IMPG1: variants seen among roughly 807,000 people sequenced by gnomAD.
The protein encoded by IMPG1 is interphotoreceptor matrix proteoglycan 1.
In IMPG1, 85 loss-of-function variants were observed where a neutral mutation model predicts 92.0. The observed-to-expected ratio is 0.92, with a 90% CI of 0.78 to 1.11. The LOEUF (loss-of-function observed/expected upper bound fraction) is 1.11, where lower values mean the gene tolerates loss of function less well. Ranked by LOEUF, IMPG1 falls within the 50% of genes least tolerant of loss-of-function variation. The probability of loss-of-function intolerance (pLI) is 0.00; values close to 1 mark genes in which losing one functional copy is unlikely to be tolerated. For missense variants in IMPG1, 1,022 were observed against 956.0 expected (o/e 1.07, Z -0.91); for synonymous variants, 367 against 334.1 (o/e 1.10, Z -1.08).
At chr6:76,063,764 G>A (rs1312473189) in intron 1 of IMPG1, among the ~76,000 whole-genome samples, 1 of 152,204 alleles carries the variant, frequency 6.6e-6, no homozygotes, top group Non-Finnish European at 1.5e-5. Flanking sequence ...CATAGGGCTG[G>A]GTGACTCCAA....
In IMPG1 at chr6:75,923,580, T is replaced by C. The variant is rs1212317768; in HGVS notation, c.2316+54A>G. On this transcript the variant is annotated intron_variant, in intron 16 of 16. Coordinates refer to ENST00000369950, the MANE Select transcript of IMPG1 (RefSeq NM_001563.4). ...AAGAGGGACATAAATGTTTTTAATTTCCTTCAAAAGTCAAGTTTAGTAATT... is the reference window on the plus strand; with the variant it reads ...AAGAGGGACATAAATGTTTTTAATTCCCTTCAAAAGTCAAGTTTAGTAATT... 3 of 829,592 alleles carry C rather than the reference T, an allele frequency of 3.6e-6. No individual in the cohort carries two copies. In the Admixed American group the frequency reaches 6.1e-5, roughly 17 times the overall value. 51.4% of individuals were successfully genotyped at this position (829,592 alleles called of 1,614,324 possible).
chr6:75,970,491 T>G (rs12200080), intron 12 of IMPG1, among the ~76,000 whole-genome samples: 26,393 of 152,164 alleles, frequency 0.17, 2,727 homozygotes, highest in Admixed American at 0.28. Context: ...ACTAAAGAGC[T>G]CAGTCCCAAT....
At chr6:76,029,466 A>G (rs1185470103) in intron 4 of IMPG1, among the ~76,000 whole-genome samples, 1 of 152,258 alleles carries the variant, frequency 6.6e-6, no homozygotes, top group African/African-American at 2.4e-5. Flanking sequence ...GACTGGAGAG[A>G]GGGAAATTAT....
chr6:75,966,184 G>C (rs1269210214), intron 12 of IMPG1, among the ~76,000 whole-genome samples: 2 of 152,098 alleles, frequency 1.3e-5, no homozygotes, highest in East Asian at 3.8e-4. Context: ...GATACACTTA[G>C]GAGGAAAAGT....
intron 12 of IMPG1, among the ~76,000 whole-genome samples, chr6:76,002,434 C>G (rs1562365349): frequency 6.6e-6 from 1 of 152,264 alleles, no homozygotes; most frequent in East Asian, 1.9e-4. Context: ...CTAATTTACA[C>G]TAAAGAAACA....
intron 12 of IMPG1, among the ~76,000 whole-genome samples, chr6:75,961,131 G>C (rs1397881661): frequency 6.6e-6 from 1 of 152,204 alleles, no homozygotes; most frequent in Non-Finnish European, 1.5e-5. Context: ...AAGATGAACA[G>C]TGTGTGAGGA....
intron 12 of IMPG1, among the ~76,000 whole-genome samples, chr6:75,978,932 G>A (rs1057466813): frequency 1.3e-5 from 2 of 152,082 alleles, no homozygotes; most frequent in African/African-American, 4.8e-5. Context: ...GGGTGGGGAG[G>A]ACAAGGTCTC....
chr6:75,950,967 T>C lies in IMPG1; in HGVS notation c.1419A>G (p.Thr473=), dbSNP rs762078795. 4 of 1,613,994 alleles carry C rather than the reference T, an allele frequency of 2.5e-6. No individual in the cohort carries two copies. Among genetic ancestry groups the C allele is most frequent in the South Asian group, 1.1e-5 (1 of 91,074 alleles). ...GTTDTMATDQ[T]MLVPGLTIPT... is the part of the protein sequence containing the mutation. ...GGATGGTGAGCCCTGGTACTAGCATTGTCTGGTCAGTGGCCATTGTATCTG... is the reference window on the plus strand; with the variant it reads ...GGATGGTGAGCCCTGGTACTAGCATCGTCTGGTCAGTGGCCATTGTATCTG... Residue 473 remains threonine (T), a synonymous_variant, in exon 13 of 17, where the codon ACA becomes ACG. Coordinates refer to ENST00000369950, the MANE Select transcript of IMPG1 (RefSeq NM_001563.4).
chr6:75,936,622 C>G (rs563640326), intron 14 of IMPG1, among the ~76,000 whole-genome samples: 56 of 152,252 alleles, frequency 3.7e-4, no homozygotes, highest in Non-Finnish European at 6.3e-4. Flanking sequence ...ACAGCTGACT[C>G]TCAATAATCC....
chr6:75,951,013 GAGA>G lies in IMPG1; in HGVS notation c.1370_1372del (p.Phe457del), dbSNP rs1347052983. ...ATCTGTGGTGCCTTGATCAGTCAGA[GAGA>G]AGATGCTTGATGCCATAAAGAAAGG... On this transcript the variant is annotated inframe_deletion, in exon 13 of 17. Coordinates refer to ENST00000369950, the MANE Select transcript of IMPG1 (RefSeq NM_001563.4). 1 of 1,613,888 alleles carries G rather than the reference GAGA, an allele frequency of 6.2e-7. No individual in the cohort carries two copies. The highest frequency in any genetic ancestry group is 8.5e-7 in the Non-Finnish European group (1 of 1,179,876).
rs1782024438 is a variant in IMPG1, at chr6:75,951,102, G to A, written c.1292-8C>T. Reference sequence around the variant, plus strand: ...GTGGAGACCAAGAAGTGTCTGTGGAGGAAGTACAATTTCATTATGTCCAAG... The same window carrying A: ...GTGGAGACCAAGAAGTGTCTGTGGAAGAAGTACAATTTCATTATGTCCAAG... On this transcript the variant is annotated splice_polypyrimidine_tract_variant and splice_region_variant and intron_variant, in intron 12 of 16. Transcript: ENST00000369950. 2 of 1,577,124 alleles carry A rather than the reference G, an allele frequency of 1.3e-6. No homozygotes were observed. Among genetic ancestry groups the A allele is most frequent in the Non-Finnish European group, 8.6e-7 (1 of 1,161,734 alleles).
intron 12 of IMPG1, among the ~76,000 whole-genome samples, chr6:75,994,907 G>A (rs1782870956): frequency 6.6e-6 from 1 of 152,194 alleles, no homozygotes; most frequent in Admixed American, 6.5e-5. Flanking sequence ...GCAAAGGCTA[G>A]CATCTCCTAG....
Position 75,950,725 on chromosome 6 carries a change from G to C in IMPG1, c.1661C>G (p.Ser554Ter), listed in dbSNP as rs190423460. The C allele has an allele frequency of 6.2e-7, 1 of 1,614,032 alleles. No homozygotes were observed. The highest frequency in any genetic ancestry group is 1.3e-5 in the African/African-American group (1 of 75,050). The change falls in exon 13 of 17, where the codon TCA becomes TGA. Residue 554 changes from serine (S) to a stop codon, truncating the protein, a stop_gained. Transcript: ENST00000369950. LOFTEE classifies it high-confidence loss of function. ...ACTAGTGGTGATATACTGTAAAGCT[G>C]AGACAGGAGTGGTATCCTCCAAGAA... Reference protein sequence around the residue: ...DHFLEDTTPVSALQYITTSSM... With the variant: ...DHFLEDTTPV
chr6:76,061,620 A>T (rs1021019936), intron 1 of IMPG1, among the ~76,000 whole-genome samples: 3 of 152,266 alleles, frequency 2.0e-5, no homozygotes, highest in Non-Finnish European at 4.4e-5. Flanking sequence ...TAAAGGTTTC[A>T]TTTAGTATAA....
intron 14 of IMPG1, among the ~76,000 whole-genome samples, chr6:75,946,620 G>T (rs1376533708): frequency 1.3e-5 from 2 of 152,158 alleles, no homozygotes; most frequent in Non-Finnish European, 2.9e-5. Context: ...CACACTCTTT[G>T]CTTTATTATC....
At chr6:75,953,435 G>C (rs1181842102) in intron 12 of IMPG1, among the ~76,000 whole-genome samples, 1 of 151,606 alleles carries the variant, frequency 6.6e-6, no homozygotes, top group East Asian at 1.9e-4. Context: ...CCTACTGTGC[G>C]ACAGGTGTGT....
intron 9 of IMPG1, 40 bp downstream of exon 9, chr6:76,007,440 C>A: frequency 6.8e-7 from 1 of 1,478,776 alleles, no homozygotes; most frequent in Non-Finnish European, 9.3e-7. Flanking sequence ...TTGGGGGAGA[C>A]GGGAATGTAC....
intron 12 of IMPG1, among the ~76,000 whole-genome samples, chr6:75,956,339 C>T (rs965964357): frequency 9.9e-5 from 15 of 152,218 alleles, no homozygotes; most frequent in Middle Eastern, 3.4e-3. Flanking sequence ...GTGTATGTGT[C>T]CAGGAATTTA....
intron 12 of IMPG1, among the ~76,000 whole-genome samples, chr6:75,979,702 T>A (rs972109639): frequency 1.1e-4 from 17 of 152,210 alleles, no homozygotes; most frequent in Admixed American, 1.1e-3. Context: ...AAACACAGAC[T>A]GTAGAAGTTT....
Sources: allele counts gnomAD v4.1 joint callset (sites outside exome capture counted in the v4.1 genomes callset), GRCh38; gene constraint gnomAD v4.1.1; transcripts MANE v1.5; gene names NCBI Gene and HGNC (gene_info 2026-07-23, HGNC 2026-07-21).